Variants in IGFBP7 observed in about 807,000 individuals in gnomAD.
IGFBP7 encodes the protein insulin-like growth factor-binding protein 7.
In IGFBP7, 31 loss-of-function variants were observed where a neutral mutation model predicts 29.4. The observed-to-expected ratio is 1.05, with a 90% CI of 0.79 to 1.42. The LOEUF (loss-of-function observed/expected upper bound fraction) is 1.42, where lower values mean the gene tolerates loss of function less well. IGFBP7 is among the 40% of genes most tolerant of loss of function. IGFBP7 has a pLI of 0.00. For synonymous variants in IGFBP7, 172 were observed against 174.9 expected (o/e 0.98, Z 0.13); for missense variants, 393 against 395.5 (o/e 0.99, Z 0.05).
Position 57,069,534 on chromosome 4 carries a change from C to G in IGFBP7, c.476-28601G>C, listed in dbSNP as rs1326248203. ...GATGGTCTGTCCTTCTGTGGTGGCA[C>G]CTGCCTGTAGTCACAGCTACTCGGG... On this transcript the variant is annotated intron_variant, in intron 1 of 4. Coordinates refer to ENST00000295666, the MANE Select transcript of IGFBP7 (RefSeq NM_001553.3). Among the ~76,000 whole-genome samples the G allele has an allele frequency of 2.0e-5, 3 of 152,240 alleles. No homozygotes were observed. In the East Asian group the frequency reaches 5.8e-4, roughly 29 times the overall value.
At chr4:57,051,751 A>C (rs1156701388) in intron 1 of IGFBP7, among the ~76,000 whole-genome samples, 2 of 152,248 alleles carry the variant, frequency 1.3e-5, no homozygotes, top group African/African-American at 4.8e-5. Flanking sequence ...TGCTTTATTC[A>C]TCTGTGAAAT....
chr4:57,074,356 C>T (rs900761792), intron 1 of IGFBP7, among the ~76,000 whole-genome samples: 5 of 152,286 alleles, frequency 3.3e-5, no homozygotes, highest in African/African-American at 4.8e-5. Context: ...CCACCTCGTC[C>T]GGCCTGAAAA....
At chr4:57,098,520 G>T (rs2109801796) in intron 1 of IGFBP7, among the ~76,000 whole-genome samples, 1 of 152,138 alleles carries the variant, frequency 6.6e-6, no homozygotes, top group East Asian at 1.9e-4. Flanking sequence ...AGTGCAGAAA[G>T]AGTCAAGTCA....
At chr4:57,075,949 A>AATT in intron 1 of IGFBP7, among the ~76,000 whole-genome samples, 1 of 152,296 alleles carries the variant, frequency 6.6e-6, no homozygotes. Context: ...AACTTTCGAG[A>AATT]ATTCAGGAAT....
chr4:57,100,600 T>C (rs1056008627), intron 1 of IGFBP7, among the ~76,000 whole-genome samples: 3 of 152,230 alleles, frequency 2.0e-5, no homozygotes, highest in African/African-American at 7.2e-5. Flanking sequence ...TTTAGATGTA[T>C]TTAGACACAA....
At chr4:57,094,785 A>G (rs1725723155) in intron 1 of IGFBP7, among the ~76,000 whole-genome samples, 1 of 152,196 alleles carries the variant, frequency 6.6e-6, no homozygotes, top group Admixed American at 6.5e-5. Flanking sequence ...CCATTTCCAA[A>G]CACTGTCAAT....
chr4:57,088,033 A>AAG (rs1560505871), intron 1 of IGFBP7, among the ~76,000 whole-genome samples: 2 of 152,216 alleles, frequency 1.3e-5, no homozygotes, highest in Non-Finnish European at 2.9e-5. Context: ...CAGTGGCACA[A>AAG]TCACGGCTCA....
intron 4 of IGFBP7, 140 bp downstream of exon 4, chr4:57,032,286 A>G: frequency 6.9e-7 from 1 of 1,449,938 alleles, no homozygotes; most frequent in Non-Finnish European, 9.1e-7. Flanking sequence ...GTACATTTTA[A>G]TGGCATACTT....
chr4:57,098,791 G>A (rs1394665951), intron 1 of IGFBP7, among the ~76,000 whole-genome samples: 1 of 152,138 alleles, frequency 6.6e-6, no homozygotes, highest in East Asian at 1.9e-4. Context: ...TCCTGAGGGG[G>A]GTCCTTTGGA....
intron 1 of IGFBP7, among the ~76,000 whole-genome samples, chr4:57,059,122 A>G (rs1468576587): frequency 1.3e-5 from 2 of 152,218 alleles, no homozygotes; most frequent in Non-Finnish European, 2.9e-5. Flanking sequence ...TGCGGAGAAA[A>G]GGGAACACTT....
chr4:57,062,721 T>C (rs1724827797), intron 1 of IGFBP7, among the ~76,000 whole-genome samples: 1 of 152,256 alleles, frequency 6.6e-6, no homozygotes, highest in Non-Finnish European at 1.5e-5. Context: ...ATTAAAAAGA[T>C]GCCATATGCA....
intron 1 of IGFBP7, among the ~76,000 whole-genome samples, chr4:57,073,404 G>A (rs376748844): frequency 1.3e-4 from 20 of 151,836 alleles, no homozygotes; most frequent in African/African-American, 4.1e-4. Flanking sequence ...AGACCAGCCC[G>A]GACAACATAG....
intron 1 of IGFBP7, among the ~76,000 whole-genome samples, chr4:57,057,475 T>G (rs1193598201): frequency 3.3e-5 from 5 of 152,250 alleles, no homozygotes; most frequent in Non-Finnish European, 5.9e-5. Context: ...TTTATTCTTT[T>G]GTTTATGTAA....
chr4:57,054,639 C>CAAAAAAAAAAAAAA (rs75161514), intron 1 of IGFBP7, among the ~76,000 whole-genome samples: 16 of 27,866 alleles, frequency 5.7e-4, no homozygotes, highest in East Asian at 2.3e-3. Flanking sequence ...CTCTCTCTCA[C>CAAAAAAAAAAAAAA]AAAAAAAAAA....
chr4:57,082,912 C>T (rs1343718637), intron 1 of IGFBP7, among the ~76,000 whole-genome samples: 3 of 152,090 alleles, frequency 2.0e-5, no homozygotes, highest in African/African-American at 7.2e-5. Context: ...TACAGGTGTA[C>T]ACCACCACAC....
At chr4:57,101,890 A>C (rs1300846942) in intron 1 of IGFBP7, among the ~76,000 whole-genome samples, 2 of 152,166 alleles carry the variant, frequency 1.3e-5, no homozygotes, top group African/African-American at 4.8e-5. Context: ...AAATTACCTT[A>C]AATAAGTGGG....
chr4:57,083,804 G>A (rs1725430856), intron 1 of IGFBP7, among the ~76,000 whole-genome samples: 1 of 152,104 alleles, frequency 6.6e-6, no homozygotes, highest in Non-Finnish European at 1.5e-5. Flanking sequence ...TATGGTTTCT[G>A]GGTTACCAGA....
chr4:57,041,226 T>G (rs1724219009), intron 1 of IGFBP7, among the ~76,000 whole-genome samples: 1 of 152,242 alleles, frequency 6.6e-6, no homozygotes, highest in Admixed American at 6.5e-5. Context: ...AGCTGTTTTT[T>G]TATTATCTGG....
intron 1 of IGFBP7, among the ~76,000 whole-genome samples, chr4:57,068,589 C>A (rs929375874): frequency 2.6e-5 from 4 of 152,072 alleles, no homozygotes; most frequent in Non-Finnish European, 5.9e-5. Context: ...GAAGAACATA[C>A]AAATGGCAGG....
Sources: gnomAD v4.1 joint callset for allele counts (sites outside exome capture counted in the v4.1 genomes callset) on GRCh38, gnomAD v4.1.1 for gene constraint, MANE v1.5 for transcripts, NCBI Gene and HGNC (gene_info 2026-07-23, HGNC 2026-07-21) for gene names.